The following ZFPM2 variants were observed in gnomAD, a reference collection of about 807,000 sequenced individuals.
ZFPM2 encodes the protein zinc finger protein, FOG family member 2.
ZFPM2 carries 20 observed loss-of-function variants against 98.6 expected under a neutral mutation model. That is an observed-to-expected ratio of 0.20 (90% CI 0.14 to 0.29). The LOEUF (loss-of-function observed/expected upper bound fraction) is 0.29, where lower values mean the gene tolerates loss of function less well. ZFPM2 is among the 10% of genes least tolerant of loss of function. The probability of loss-of-function intolerance (pLI) is 1.00; values close to 1 mark genes in which losing one functional copy is unlikely to be tolerated. For synonymous variants in ZFPM2, 518 were observed against 502.7 expected (o/e 1.03, Z -0.41); for missense variants, 1,310 against 1,388.6 (o/e 0.94, Z 0.90).
chr8:105,660,984 A>C (rs1817377175), intron 5 of ZFPM2, among the ~76,000 whole-genome samples: 1 of 152,192 alleles, frequency 6.6e-6, no homozygotes, highest in African/African-American at 2.4e-5. Context: ...CTAATTCACA[A>C]CACCAGCAGG....
intron 3 of ZFPM2, among the ~76,000 whole-genome samples, chr8:105,508,799 A>ATT (rs33966531): frequency 2.9e-4 from 41 of 143,048 alleles, no homozygotes; most frequent in African/African-American, 6.4e-4. Flanking sequence ...AAACGTTCAG[A>ATT]TTTTTTTTTT....
intron 5 of ZFPM2, among the ~76,000 whole-genome samples, chr8:105,667,848 AT>A (rs1817518851): frequency 6.6e-6 from 1 of 152,188 alleles, no homozygotes; most frequent in Non-Finnish European, 1.5e-5. Flanking sequence ...TACTATTGTT[AT>A]TTTTAAATGG....
chr8:105,798,429 AAC>A (rs1241930585), intron 6 of ZFPM2: 4 of 253,694 alleles, frequency 1.6e-5, no homozygotes, highest in African/African-American at 8.8e-5. Flanking sequence ...CAGCCTAGGT[AAC>A]ACAGTGAGAA....
intron 2 of ZFPM2, among the ~76,000 whole-genome samples, 171 bp downstream of exon 2, chr8:105,419,473 C>G (rs1563650234): frequency 1.3e-5 from 2 of 152,098 alleles, no homozygotes; most frequent in East Asian, 3.9e-4. Context: ...AGTAACTCCA[C>G]TCTAATAACC....
intron 5 of ZFPM2, among the ~76,000 whole-genome samples, chr8:105,749,560 C>T (rs1483601247): frequency 2.0e-5 from 3 of 152,004 alleles, no homozygotes; most frequent in Non-Finnish European, 4.4e-5. Context: ...TGGTCATGTT[C>T]AGCATTTTCT....
At position 105,463,624 on chromosome 8, in the gene ZFPM2, A is replaced by T. The variant is rs771865840; in HGVS notation, c.301+19243A>T. Among the ~76,000 whole-genome samples the T allele has an allele frequency of 8.1e-4, 123 of 152,036 alleles. 1 individual carries two copies. The highest frequency in any genetic ancestry group is 1.3e-3 in the Non-Finnish European group (85 of 67,976). ...AAATAAATAAATAGCTAACTGCAAA[A>T]TCTCATGATTTTAGGGTTCTTCATG... On this transcript the variant is annotated intron_variant, in intron 3 of 7. Coordinates refer to ENST00000407775, the MANE Select transcript of ZFPM2 (RefSeq NM_012082.4).
At chr8:105,800,919 T>C (rs1205215288) in intron 7 of ZFPM2, 128 bp from the exon 8 acceptor site, 11 of 850,166 alleles carry the variant, frequency 1.3e-5, no homozygotes, top group Admixed American at 2.6e-5. Context: ...ACAGTTAATA[T>C]CACGAATGAA....
intron 5 of ZFPM2, among the ~76,000 whole-genome samples, chr8:105,645,152 A>T (rs1817018720): frequency 6.6e-6 from 1 of 152,186 alleles, no homozygotes; most frequent in South Asian, 2.1e-4. Flanking sequence ...AACCAGTATG[A>T]TGCAGTTTTT....
At position 105,463,120 on chromosome 8, in the gene ZFPM2, C is replaced by A. The variant is rs569830176; in HGVS notation, c.301+18739C>A. Among the ~76,000 whole-genome samples the A allele has an allele frequency of 5.4e-4, 82 of 151,944 alleles. 1 individual carries two copies. The South Asian group carries it at 0.017, about 32-fold the overall frequency. On this transcript the variant is annotated intron_variant, in intron 3 of 7. Transcript: ENST00000407775. Reference sequence around the variant, plus strand: ...TAATATAATTGCATGGGTAACTAAACCATAGAGTCCAAGATAGTTGCTTAA... The same window carrying A: ...TAATATAATTGCATGGGTAACTAAAACATAGAGTCCAAGATAGTTGCTTAA...
At chr8:105,716,308 A>G (rs1311094811) in intron 5 of ZFPM2, among the ~76,000 whole-genome samples, 3 of 151,376 alleles carry the variant, frequency 2.0e-5, no homozygotes, top group African/African-American at 4.8e-5. Flanking sequence ...TGCATTTCAG[A>G]GCAAATATGA....
chr8:105,381,814 T>A (rs899923099), intron 1 of ZFPM2, among the ~76,000 whole-genome samples: 2 of 151,344 alleles, frequency 1.3e-5, no homozygotes, highest in Admixed American at 1.3e-4. Flanking sequence ...GTAATTGTGG[T>A]TTTTTTGATC....
intron 1 of ZFPM2, among the ~76,000 whole-genome samples, chr8:105,320,746 T>C (rs2082281833): frequency 6.6e-6 from 1 of 152,202 alleles, no homozygotes; most frequent in African/African-American, 2.4e-5. Context: ...TTTATTTCCT[T>C]CTATGTCCAC....
Position 105,801,096 on chromosome 8 carries a change from C to A in ZFPM2, c.1014C>A (p.Thr338=). The change falls in exon 8 of 8, where the codon ACC becomes ACA. Residue 338 remains threonine, a synonymous_variant. Coordinates refer to ENST00000407775, the MANE Select transcript of ZFPM2 (RefSeq NM_012082.4). ...CCCCTGGTGCTAGTCTAAAATGCAC[C>A]GTCTGTAGCTACACTGCTGATTCCG... ...FLPPGASLKC[T]VCSYTADSVI... is the part of the protein sequence containing the mutation. The A allele has an allele frequency of 6.2e-7, 1 of 1,613,804 alleles. No individual in the cohort carries two copies. Among genetic ancestry groups the A allele is most frequent in the Non-Finnish European group, 8.5e-7 (1 of 1,179,824 alleles).
chr8:105,609,313 G>T (rs1162157369), intron 4 of ZFPM2, among the ~76,000 whole-genome samples: 2 of 152,010 alleles, frequency 1.3e-5, no homozygotes, highest in Non-Finnish European at 1.5e-5. Flanking sequence ...GAAGAGGAAG[G>T]GAGAAATCAA....
chr8:105,356,769 T>C lies in ZFPM2; in HGVS notation c.40+37788T>C, dbSNP rs527759752. The stretch of plus-strand genomic sequence containing the variant: ...CGACAGTTGATGACTATAATGTTTT[T>C]AGCATGTATTTCTTTACCCAATCCA... On this transcript the variant is annotated intron_variant, in intron 1 of 7. Transcript: ENST00000407775. 2.1e-3 allele frequency among the ~76,000 whole-genome samples: 313 copies of C among 152,340 alleles called. 1 individual carries two copies. The highest frequency in any genetic ancestry group is 7.3e-3 in the African/African-American group (302 of 41,574).
rs1362123289 is a variant in ZFPM2 at position 105,802,375 on chromosome 8, A to T, written c.2293A>T (p.Asn765Tyr). Residue 765 changes from asparagine to tyrosine, a missense_variant, in exon 8 of 8, where the codon AAC becomes TAC. Physicochemically the swap from Asn to Tyr is moderately radical, Grantham distance 143. Coordinates refer to ENST00000407775, the MANE Select transcript of ZFPM2 (RefSeq NM_012082.4). ...TCAGCAGAGATTTCTTGACGTAGCC[A>T]ACCTCAATAATCCTTGTACCTCCAC... ...LVQQRFLDVA[N>Y]LNNPCTSTQE... is the part of the protein sequence containing the mutation. 1 of 1,613,654 alleles carries T rather than the reference A, an allele frequency of 6.2e-7. No homozygotes were observed. Among genetic ancestry groups the T allele is most frequent in the African/African-American group, 1.3e-5 (1 of 74,936 alleles).
chr8:105,694,656 G>A (rs1563524823), intron 5 of ZFPM2, among the ~76,000 whole-genome samples: 1 of 152,112 alleles, frequency 6.6e-6, no homozygotes, highest in Non-Finnish European at 1.5e-5. Context: ...TGAGCAAATG[G>A]TTTAAATTAC....
chr8:105,685,050 TTC>T (rs1488455797), intron 5 of ZFPM2: 1 of 152,102 alleles, frequency 6.6e-6, no homozygotes, highest in African/African-American at 2.4e-5. Flanking sequence ...CTGTCTTGAA[TTC>T]TGTTTTAGAA....
At chr8:105,680,579 G>T (rs1666365931) in intron 5 of ZFPM2, among the ~76,000 whole-genome samples, 2 of 152,074 alleles carry the variant, frequency 1.3e-5, no homozygotes, top group South Asian at 4.1e-4. Context: ...TAGGAATTGG[G>T]TATGTAGTAT....
Sources: allele counts gnomAD v4.1 joint callset (sites outside exome capture counted in the v4.1 genomes callset), GRCh38; gene constraint gnomAD v4.1.1; transcripts MANE v1.5; gene names NCBI Gene and HGNC (gene_info 2026-07-23, HGNC 2026-07-21).